The following TNFSF8 variants were observed in gnomAD, a reference collection of about 807,000 sequenced individuals.
TNFSF8 encodes tumor necrosis factor ligand superfamily member 8.
TNFSF8 carries 4 observed loss-of-function variants against 22.0 expected under a neutral mutation model. That is an observed-to-expected ratio of 0.18 (90% confidence interval 0.09 to 0.42). The LOEUF is 0.42. TNFSF8 is among the 10% of genes least tolerant of loss of function. The probability of loss-of-function intolerance (pLI) is 1.00; values close to 1 mark genes in which losing one functional copy is unlikely to be tolerated. For synonymous variants in TNFSF8, 106 were observed against 112.5 expected (o/e 0.94, Z 0.37); for missense variants, 233 against 281.8 (o/e 0.83, Z 1.24).
rs1229053523 is a variant in TNFSF8, at chr9:114,901,182, A to ATATCATTTTACTCATGGAG, written c.*2730_*2748dup. 2.2e-5 allele frequency: 22 copies of ATATCATTTTACTCATGGAG among 985,172 alleles called. No individual in the cohort carries two copies. The highest frequency in any genetic ancestry group is 4.7e-5 in the South Asian group (1 of 21,290). The allele number at this position is 985,172 out of a possible 1,614,324, so 61.0% of individuals were successfully genotyped here. A position where few individuals can be genotyped will look rare whatever the true frequency, so the allele number is the denominator to read the frequency against. ...TAAATTATTTATTTTACTTGCATAG[A>ATATCATTTTACTCATGGAG]TATCATTTTACTCATGGAGTATCAT... On this transcript the variant is annotated 3_prime_UTR_variant, in exon 4 of 4. Coordinates refer to ENST00000223795, the MANE Select transcript of TNFSF8 (RefSeq NM_001244.4).
intron 1 of TNFSF8, among the ~76,000 whole-genome samples, chr9:114,922,862 G>A (rs1015923276): frequency 6.6e-6 from 1 of 152,134 alleles, no homozygotes; most frequent in Non-Finnish European, 1.5e-5. Context: ...TTCTGACTCA[G>A]TAGGGAGGGG....
rs1212384467 is a variant in TNFSF8, at chr9:114,903,946, G to A, written c.690C>T (p.Tyr230=). The change falls in exon 4 of 4, where the codon TAC becomes TAT. Residue 230 remains tyrosine, a synonymous_variant. Transcript: ENST00000223795. ...PLENVLSIFL[Y]SNSD is the part of the protein sequence containing the mutation. ...GAGAAACTGTTCAGTCTGAATTACT[G>A]TATAAGAAGATGGACAACACATTCT... 3 of 1,612,240 alleles carry A rather than the reference G, an allele frequency of 1.9e-6. No homozygotes were observed. The highest frequency in any genetic ancestry group is 2.7e-5 in the African/African-American group (2 of 74,866).
At position 114,902,631 on chromosome 9, in the gene TNFSF8, T is replaced by C. The variant is rs576332907; in HGVS notation, c.*1300A>G. 6.0e-4 allele frequency: 592 copies of C among 985,384 alleles called. No individual in the cohort carries two copies. Among genetic ancestry groups the C allele is most frequent in the Admixed American group, 5.5e-4 (9 of 16,278 alleles). 61.0% of individuals were successfully genotyped at this position (985,384 alleles called of 1,614,324 possible). A position where few individuals can be genotyped will look rare whatever the true frequency, so the allele number is the denominator to read the frequency against. On this transcript the variant is annotated 3_prime_UTR_variant, in exon 4 of 4. Transcript: ENST00000223795. Reference sequence around the variant, plus strand: ...CCTTGTCCCCATATTCTGGCTCTGCTGAGATGAGATGCAGTCAGGTGTTAC... The same window carrying C: ...CCTTGTCCCCATATTCTGGCTCTGCCGAGATGAGATGCAGTCAGGTGTTAC...
exon 5 of TNFSF8, chr9:114,894,021 G>C: frequency 1.5e-6 from 2 of 1,374,938 alleles, no homozygotes; most frequent in Non-Finnish European, 2.0e-6. Context: ...TTTCCACTTA[G>C]CAGTGACAGT....
In TNFSF8 at chr9:114,913,834, C is replaced by T. The variant is rs551960968; in HGVS notation, c.238+4262G>A. Among the ~76,000 whole-genome samples the T allele has an allele frequency of 2.0e-5, 3 of 152,330 alleles. No homozygotes were observed. The East Asian group carries it at 5.8e-4, about 29-fold the overall frequency. ...AACTGCATGAGTGAATTACTAAGTA[C>T]TCAGCCAATTCTTGGCACATAGTGA... On this transcript the variant is annotated intron_variant, in intron 2 of 3. Coordinates refer to ENST00000223795, the MANE Select transcript of TNFSF8 (RefSeq NM_001244.4).
chr9:114,920,539 G>A (rs1010833911), intron 1 of TNFSF8, among the ~76,000 whole-genome samples: 1 of 152,218 alleles, frequency 6.6e-6, no homozygotes, highest in Non-Finnish European at 1.5e-5. Flanking sequence ...GTTGTGGCAA[G>A]AGCTATGGAG....
downstream of TNFSF8, among the ~76,000 whole-genome samples, chr9:114,898,725 G>A (rs574257564): frequency 5.9e-5 from 9 of 152,246 alleles, no homozygotes; most frequent in East Asian, 5.8e-4. Context: ...CAGACTTCGC[G>A]TTAGCTTGTT....
At chr9:114,924,976 TG>T (rs919367120) in intron 1 of TNFSF8, among the ~76,000 whole-genome samples, 1 of 152,124 alleles carries the variant, frequency 6.6e-6, no homozygotes, top group Non-Finnish European at 1.5e-5. Context: ...GGGAGTACCT[TG>T]GGTAGTGGGA....
chr9:114,894,024 G>T, exon 5 of TNFSF8: 1 of 1,418,084 alleles, frequency 7.1e-7, no homozygotes, highest in Non-Finnish European at 9.6e-7. Context: ...CCACTTAGCA[G>T]TGACAGTGAC....
intron 3 of TNFSF8, 82 bp downstream of exon 3, chr9:114,905,746 T>C: frequency 9.0e-7 from 1 of 1,114,694 alleles, no homozygotes; most frequent in Non-Finnish European, 1.4e-6. Context: ...GGGACTCTAA[T>C]TATGACTTCT....
At chr9:114,897,043 C>G (rs1433256988), downstream of TNFSF8, among the ~76,000 whole-genome samples, 1 of 152,122 alleles carries the variant, frequency 6.6e-6, no homozygotes, top group Non-Finnish European at 1.5e-5. Flanking sequence ...GCTGGGATTA[C>G]AGGCATGTGC....
In TNFSF8 at chr9:114,918,140, T is replaced by A; in HGVS notation, c.196-2A>T. ...GTCAGGTGAGTTGGGAATGGAGTCC[T>A]GGAAGAAAAGAAAGAAAAAAGCAGC... On this transcript the variant is annotated splice_acceptor_variant, in intron 1 of 3. Transcript: ENST00000223795. LOFTEE classifies it high-confidence loss of function. 6.2e-7 allele frequency: 1 copy of A among 1,604,210 alleles called. No homozygotes were observed. Among genetic ancestry groups the A allele is most frequent in the Non-Finnish European group, 8.5e-7 (1 of 1,175,626 alleles).
downstream of TNFSF8, among the ~76,000 whole-genome samples, chr9:114,899,342 A>ATTTTTTTTTTTTTT (rs137946179): frequency 7.0e-5 from 10 of 142,628 alleles, no homozygotes; most frequent in African/African-American, 1.1e-4. Flanking sequence ...ACAGTAAGTT[A>ATTTTTTTTTTTTTT]TTATTTTTTT....
Position 114,918,018 on chromosome 9 carries a change from T to C in TNFSF8, c.238+78A>G. Reference sequence around the variant, plus strand: ...GGTCATGTCATAGAGTTGTTTCTGGTTGATAATCAGGTTTCACACTTTATG... The same window carrying C: ...GGTCATGTCATAGAGTTGTTTCTGGCTGATAATCAGGTTTCACACTTTATG... On this transcript the variant is annotated intron_variant, in intron 2 of 3. Coordinates refer to ENST00000223795, the MANE Select transcript of TNFSF8 (RefSeq NM_001244.4). The C allele has an allele frequency of 2.1e-6, 3 of 1,420,978 alleles. No homozygotes were observed. The South Asian group carries it at 3.9e-5, about 18-fold the overall frequency. 88.0% of individuals were successfully genotyped at this position (1,420,978 alleles called of 1,614,324 possible). A position where few individuals can be genotyped will look rare whatever the true frequency, so the allele number is the denominator to read the frequency against.
intron 2 of TNFSF8, among the ~76,000 whole-genome samples, chr9:114,914,625 A>G (rs988413423): frequency 6.6e-6 from 1 of 152,208 alleles, no homozygotes; most frequent in Non-Finnish European, 1.5e-5. Flanking sequence ...CCCAAAGGAC[A>G]TAGGTTCAAC....
chr9:114,925,942 T>C (rs1330082335), intron 1 of TNFSF8, among the ~76,000 whole-genome samples: 1 of 152,160 alleles, frequency 6.6e-6, no homozygotes, highest in East Asian at 1.9e-4. Context: ...GTCTATCTCA[T>C]TGTCTATCTC....
In TNFSF8 at chr9:114,903,730, G is replaced by T. The variant is rs547036436; in HGVS notation, c.*201C>A. On this transcript the variant is annotated 3_prime_UTR_variant, in exon 4 of 4. Coordinates refer to ENST00000223795, the MANE Select transcript of TNFSF8 (RefSeq NM_001244.4). Reference sequence around the variant, plus strand: ...ACCACACTACATTGCTTCCCTGCCTGCTATCTGAAAGATACTTCACTAAAA... The same window carrying T: ...ACCACACTACATTGCTTCCCTGCCTTCTATCTGAAAGATACTTCACTAAAA... The T allele has an allele frequency of 7.5e-7, 1 of 1,330,180 alleles. No individual in the cohort carries two copies. The highest frequency in any genetic ancestry group is 2.1e-5 in the South Asian group (1 of 47,958). 82.4% of individuals were successfully genotyped at this position (1,330,180 alleles called of 1,614,324 possible).
At chr9:114,905,146 G>A (rs905773857) in intron 3 of TNFSF8, among the ~76,000 whole-genome samples, 2 of 152,190 alleles carry the variant, frequency 1.3e-5, no homozygotes, top group Non-Finnish European at 2.9e-5. Flanking sequence ...AGTTTTAATT[G>A]CTTCCATGCT....
At chr9:114,895,561 C>G (rs1431591506) in intron 4 of TNFSF8, among the ~76,000 whole-genome samples, 3 of 152,124 alleles carry the variant, frequency 2.0e-5, no homozygotes, top group South Asian at 4.1e-4. Flanking sequence ...TTCATTTTTT[C>G]CTACTCCTCT....
Sources: allele counts gnomAD v4.1 joint callset (sites outside exome capture counted in the v4.1 genomes callset), GRCh38; gene constraint gnomAD v4.1.1; transcripts MANE v1.5; gene names NCBI Gene and HGNC (gene_info 2026-07-23, HGNC 2026-07-21).